The following PXT1 variants were observed in gnomAD, a reference collection of about 807,000 sequenced individuals.
PXT1 encodes peroxisomal testis enriched protein 1.
PXT1 carries 11 observed loss-of-function variants against 11.0 expected under a neutral mutation model. The observed-to-expected ratio is 1.00, with a 90% CI of 0.63 to 1.66. The LOEUF (loss-of-function observed/expected upper bound fraction) is 1.66, where lower values mean the gene tolerates loss of function less well. Among genes scored for constraint, PXT1 ranks in the 40% most tolerant of loss-of-function variants. PXT1 has a pLI of 0.00. For missense variants in PXT1, 141 were observed against 155.5 expected, an observed-to-expected ratio of 0.91 and a Z score of 0.49; for synonymous variants, 43 against 51.4, an observed-to-expected ratio of 0.84 and a Z score of 0.70.
intron 3 of PXT1, among the ~76,000 whole-genome samples, chr6:36,425,680 C>G (rs1042309191): frequency 6.6e-6 from 1 of 151,582 alleles, no homozygotes; most frequent in South Asian, 2.1e-4. Context: ...CCCAGCTACT[C>G]GGGAGGCTGA....
intron 4 of PXT1, among the ~76,000 whole-genome samples, chr6:36,399,170 G>C (rs572733245): frequency 7.8e-4 from 117 of 150,742 alleles, no homozygotes; most frequent in Middle Eastern, 6.9e-3. Context: ...TTTTGGGACA[G>C]AGTCTCACTC....
At position 36,427,300 on chromosome 6, in the gene PXT1, C is replaced by T. The variant is rs145937654; in HGVS notation, c.-9-1209G>A. 3.6e-3 allele frequency among the ~76,000 whole-genome samples: 536 copies of T among 150,234 alleles called. 3 individuals are homozygous for T. The highest frequency in any genetic ancestry group is 0.01 in the African/African-American group (414 of 40,372). On this transcript the variant is annotated intron_variant, in intron 2 of 4. Transcript: ENST00000454782. ...ACAGGTGTGAGCCACCATGCCCGGC[C>T]GCATTATGACTTGTTGTCTTCCTGG...
chr6:36,429,135 G>C (rs1369415534), intron 2 of PXT1, among the ~76,000 whole-genome samples: 2 of 146,182 alleles, frequency 1.4e-5, no homozygotes, highest in Non-Finnish European at 3.0e-5. Flanking sequence ...TAGTGGTTGC[G>C]CACACCTGTA....
intron 3 of PXT1, among the ~76,000 whole-genome samples, chr6:36,408,358 G>A (rs557213379): frequency 1.7e-4 from 26 of 150,314 alleles, no homozygotes; most frequent in African/African-American, 6.1e-4. Context: ...AACCTGCTAG[G>A]CTCAAGCAAT....
chr6:36,435,352 G>A (rs1311141180), intron 2 of PXT1, among the ~76,000 whole-genome samples: 1 of 152,170 alleles, frequency 6.6e-6, no homozygotes, highest in African/African-American at 2.4e-5. Context: ...GAGCCCAGAA[G>A]TTCAAGACCA....
intron 1 of PXT1, among the ~76,000 whole-genome samples, chr6:36,441,858 G>A (rs1489933330): frequency 7.2e-6 from 1 of 138,820 alleles, no homozygotes. Flanking sequence ...CGTTAACCGT[G>A]TGAAACCTAC....
At chr6:36,409,432 G>A (rs1205244513) in intron 3 of PXT1, among the ~76,000 whole-genome samples, 1 of 152,154 alleles carries the variant, frequency 6.6e-6, no homozygotes, top group Admixed American at 6.5e-5. Flanking sequence ...GGGAGAGGGA[G>A]ACGCACCCTT....
intron 3 of PXT1, among the ~76,000 whole-genome samples, chr6:36,415,200 T>C (rs1052730543): frequency 7.9e-5 from 12 of 152,092 alleles, no homozygotes; most frequent in African/African-American, 2.9e-4. Flanking sequence ...CCCAGCACTT[T>C]GGGAGGCTGA....
At chr6:36,400,625 T>C in intron 3 of PXT1, 41 bp from the exon 4 acceptor site, 1 of 1,570,626 alleles carries the variant, frequency 6.4e-7, no homozygotes, top group South Asian at 1.1e-5. Context: ...TAATCCCACT[T>C]AATTATCTGT....
chr6:36,403,922 T>C (rs1256175134), intron 3 of PXT1, among the ~76,000 whole-genome samples: 1 of 152,210 alleles, frequency 6.6e-6, no homozygotes, highest in Non-Finnish European at 1.5e-5. Context: ...AGCATTTGGA[T>C]AACATTTGAA....
rs372859597 is a variant in PXT1, at chr6:36,399,131, T to C, written c.300+1323A>G. On this transcript the variant is annotated intron_variant, in intron 4 of 4. Coordinates refer to ENST00000454782, the MANE Select transcript of PXT1 (RefSeq NM_152990.4). ...TCTCTTGCTTTATTTTATTTTATTT[T>C]ATTTCATTTCATTTCATTTCATTTC... Among the ~76,000 whole-genome samples the C allele has an allele frequency of 3.3e-4, 49 of 150,628 alleles. 1 individual carries two copies. In the Middle Eastern group the frequency reaches 0.014, roughly 43 times the overall value.
chr6:36,413,445 A>C, intron 3 of PXT1, among the ~76,000 whole-genome samples: 1 of 152,040 alleles, frequency 6.6e-6, no homozygotes. Flanking sequence ...AGAAACTCCT[A>C]CCAAGTTCTC....
Position 36,424,898 on chromosome 6 carries a change from C to A in PXT1, c.169+1016G>T, listed in dbSNP as rs762798636. Among the ~76,000 whole-genome samples the A allele has an allele frequency of 2.6e-5, 4 of 151,644 alleles. No homozygotes were observed. The South Asian group carries it at 8.3e-4, about 32-fold the overall frequency. ...CTGTACCACTGCACTCCAACCTGGG[C>A]GACAAAGTGAGACTCTATCTCAAAA... is the stretch of plus-strand genomic sequence containing the variant. On this transcript the variant is annotated intron_variant, in intron 3 of 4. Coordinates refer to ENST00000454782, the MANE Select transcript of PXT1 (RefSeq NM_152990.4).
chr6:36,406,204 C>T (rs1774286812), intron 3 of PXT1, among the ~76,000 whole-genome samples: 1 of 152,158 alleles, frequency 6.6e-6, no homozygotes, highest in Non-Finnish European at 1.5e-5. Flanking sequence ...CCTACATGTT[C>T]CCACCACAAC....
Position 36,441,257 on chromosome 6 carries a change from T to G in PXT1, c.-130+1278A>C, listed in dbSNP as rs553322813. ...GACTCAAAGGCTGTAACACTGTACT[T>G]TATAAAAATGGAAATAAAGGCATTA... is the stretch of plus-strand genomic sequence containing the variant. On this transcript the variant is annotated intron_variant, in intron 1 of 4. Coordinates refer to ENST00000454782, the MANE Select transcript of PXT1 (RefSeq NM_152990.4). Among the ~76,000 whole-genome samples, 5 of 152,338 alleles carry G rather than the reference T, an allele frequency of 3.3e-5. No individual in the cohort carries two copies. In the East Asian group the frequency reaches 9.6e-4, roughly 29 times the overall value.
At chr6:36,400,697 A>G in intron 3 of PXT1, 113 bp from the exon 4 acceptor site, 2 of 1,148,402 alleles carry the variant, frequency 1.7e-6, no homozygotes, top group South Asian at 3.0e-5. Flanking sequence ...GGCCAGATGC[A>G]GTGGCTCACG....
intron 3 of PXT1, among the ~76,000 whole-genome samples, 186 bp downstream of exon 3, chr6:36,425,728 C>G (rs1774592245): frequency 6.6e-6 from 1 of 151,254 alleles, no homozygotes; most frequent in Admixed American, 6.6e-5. Flanking sequence ...CCAGAAGTTG[C>G]AGAGAGCTGA....
chr6:36,397,978 G>A lies in PXT1; in HGVS notation c.300+2476C>T, dbSNP rs1393386944. 2.6e-5 allele frequency among the ~76,000 whole-genome samples: 4 copies of A among 151,982 alleles called. No individual in the cohort carries two copies. In the East Asian group the frequency reaches 5.8e-4, roughly 22 times the overall value. On this transcript the variant is annotated intron_variant, in intron 4 of 4. Coordinates refer to ENST00000454782, the MANE Select transcript of PXT1 (RefSeq NM_152990.4). ...CTGTGTGAGCTATGATCACAGCACT[G>A]CACTCCAGATTAGGCAACAGAGCAA...
At chr6:36,429,376 T>C in intron 2 of PXT1, among the ~76,000 whole-genome samples, 1 of 135,364 alleles carries the variant, frequency 7.4e-6, no homozygotes, top group Non-Finnish European at 1.6e-5. Flanking sequence ...TGAGAATATA[T>C]CTGCAGATGC....
Sources: allele counts gnomAD v4.1 joint callset (sites outside exome capture counted in the v4.1 genomes callset), GRCh38; gene constraint gnomAD v4.1.1; transcripts MANE v1.5; gene names NCBI Gene and HGNC (gene_info 2026-07-23, HGNC 2026-07-21).